The following AGBL4 variants were observed in gnomAD, a reference collection of about 807,000 sequenced individuals.
The protein encoded by AGBL4 is AGBL carboxypeptidase 4.
A neutral mutation model predicts 66.4 loss-of-function variants in AGBL4; 58 were observed. The observed-to-expected ratio is 0.87, with a 90% confidence interval of 0.71 to 1.09. The LOEUF (loss-of-function observed/expected upper bound fraction) is 1.09. AGBL4 is among the 50% of genes least tolerant of loss of function. The pLI is 0.00. For missense variants in AGBL4, 579 were observed against 631.0 expected (o/e 0.92, Z 0.88); for synonymous variants, 234 against 222.9 (o/e 1.05, Z -0.44).
intron 3 of AGBL4, among the ~76,000 whole-genome samples, chr1:49,632,128 T>G (rs1306192449): frequency 6.6e-6 from 1 of 152,084 alleles, no homozygotes; most frequent in Non-Finnish European, 1.5e-5. Flanking sequence ...GTAGAGAAAA[T>G]GAACCTAAAT....
intron 3 of AGBL4, among the ~76,000 whole-genome samples, chr1:49,410,231 C>T (rs548810128): frequency 6.6e-6 from 1 of 152,156 alleles, no homozygotes; most frequent in Non-Finnish European, 1.5e-5. Flanking sequence ...TGTGCTCAGT[C>T]GGCTGCATTC....
At chr1:49,777,856 A>G (rs779102931) in intron 2 of AGBL4, among the ~76,000 whole-genome samples, 2 of 152,204 alleles carry the variant, frequency 1.3e-5, no homozygotes, top group Non-Finnish European at 2.9e-5. Flanking sequence ...CTTTTAAAGT[A>G]TCTATAATTT....
chr1:49,144,260 T>C (rs1249603769), intron 4 of AGBL4, among the ~76,000 whole-genome samples: 12 of 152,002 alleles, frequency 7.9e-5, no homozygotes, highest in African/African-American at 2.7e-4. Flanking sequence ...ATGTTAGAAC[T>C]CTGCAAAAGA....
chr1:49,130,797 GC>G lies in AGBL4; in HGVS notation c.378-84998del, dbSNP rs535803077. On this transcript the variant is annotated intron_variant, in intron 4 of 13. Transcript: ENST00000371839. Reference sequence around the variant, plus strand: ...GCTTAGGATTGACTTGGCGATGTGGGCTCTTTTTTGGTTCCATATGAACTTT... The same window carrying G: ...GCTTAGGATTGACTTGGCGATGTGGGTCTTTTTTGGTTCCATATGAACTTT... Among the ~76,000 whole-genome samples the G allele has an allele frequency of 2.5e-3, 382 of 152,072 alleles. 1 individual carries two copies. Among genetic ancestry groups the G allele is most frequent in the African/African-American group, 8.2e-3 (342 of 41,500 alleles).
intron 5 of AGBL4, among the ~76,000 whole-genome samples, chr1:48,952,093 G>A (rs978183135): frequency 1.4e-4 from 21 of 152,194 alleles, no homozygotes; most frequent in African/African-American, 4.6e-4. Context: ...CATTACTAAA[G>A]ATAAATGTGT....
At chr1:49,866,347 G>A (rs998137858) in intron 1 of AGBL4, among the ~76,000 whole-genome samples, 13 of 152,062 alleles carry the variant, frequency 8.5e-5, no homozygotes, top group Non-Finnish European at 2.9e-5. Flanking sequence ...AAATGTTAAG[G>A]GCAGCAGGAC....
intron 3 of AGBL4, among the ~76,000 whole-genome samples, chr1:49,621,329 C>T (rs1052817022): frequency 6.6e-5 from 10 of 152,128 alleles, no homozygotes; most frequent in South Asian, 4.1e-4. Flanking sequence ...TTGGCTGGAA[C>T]GGGAACTCAC....
intron 3 of AGBL4, among the ~76,000 whole-genome samples, chr1:49,602,672 T>G (rs1644982756): frequency 6.6e-6 from 1 of 151,356 alleles, no homozygotes; most frequent in East Asian, 2.0e-4. Flanking sequence ...GAGGGGAACA[T>G]CACACACTGG....
At chr1:48,738,456 T>G (rs1649411729) in intron 6 of AGBL4, among the ~76,000 whole-genome samples, 1 of 152,170 alleles carries the variant, frequency 6.6e-6, no homozygotes, top group Admixed American at 6.5e-5. Flanking sequence ...AGTGTGGCCT[T>G]TTCTCCGCAG....
chr1:49,357,571 T>C (rs1469139711), intron 3 of AGBL4, among the ~76,000 whole-genome samples: 1 of 152,124 alleles, frequency 6.6e-6, no homozygotes, highest in Non-Finnish European at 1.5e-5. Flanking sequence ...GTTCCTATAT[T>C]CCAGGCTCTG....
chr1:48,853,495 A>G (rs10788897), intron 6 of AGBL4, among the ~76,000 whole-genome samples: 135,394 of 152,200 alleles, frequency 0.89, 60,816 homozygotes, highest in Non-Finnish European at 0.96. Flanking sequence ...ACTTTACTAC[A>G]TTAGCCACTT....
At chr1:49,976,225 T>C (rs1158042940) in intron 1 of AGBL4, among the ~76,000 whole-genome samples, 1 of 152,234 alleles carries the variant, frequency 6.6e-6, no homozygotes, top group Non-Finnish European at 1.5e-5. Context: ...GTTCATTCAT[T>C]CTTTCCTCAG....
intron 6 of AGBL4, chr1:48,777,032 AG>A (rs1185973366): frequency 7.4e-5 from 2 of 27,086 alleles, no homozygotes; most frequent in Non-Finnish European, 1.4e-4. Context: ...GGCGCGGAAA[AG>A]GGAGGGAGGG....
intron 6 of AGBL4, among the ~76,000 whole-genome samples, chr1:48,689,232 A>G (rs1036736622): frequency 6.6e-6 from 1 of 151,654 alleles, no homozygotes; most frequent in Non-Finnish European, 1.5e-5. Context: ...AAGAAAAGAA[A>G]AGAAAAGAAA....
intron 6 of AGBL4, among the ~76,000 whole-genome samples, chr1:48,834,125 A>G (rs1646622742): frequency 6.6e-6 from 1 of 152,188 alleles, no homozygotes; most frequent in Admixed American, 6.5e-5. Context: ...TTGGAATAGG[A>G]ATGTCAATTC....
At chr1:49,885,506 TA>T (rs201967390) in intron 1 of AGBL4, among the ~76,000 whole-genome samples, 34 of 149,806 alleles carry the variant, frequency 2.3e-4, no homozygotes, top group East Asian at 3.9e-4. Context: ...CCCTAAACAT[TA>T]AAAAAAAAAT....
intron 4 of AGBL4, among the ~76,000 whole-genome samples, chr1:49,062,715 G>A (rs987482197): frequency 2.0e-5 from 3 of 152,116 alleles, no homozygotes; most frequent in African/African-American, 7.2e-5. Context: ...TGGCACCCAA[G>A]GTATCACCAC....
intron 2 of AGBL4, among the ~76,000 whole-genome samples, chr1:49,742,255 T>C (rs1437876717): frequency 1.3e-5 from 2 of 149,716 alleles, no homozygotes; most frequent in Non-Finnish European, 3.0e-5. Context: ...TATACACCAA[T>C]AACAGACAAA....
chr1:50,016,560 T>C (rs1662000211), intron 1 of AGBL4, among the ~76,000 whole-genome samples: 1 of 152,006 alleles, frequency 6.6e-6, no homozygotes, highest in African/African-American at 2.4e-5. Flanking sequence ...TGACTTTGTC[T>C]CAAAAAATAA....
Sources: allele counts gnomAD v4.1 joint callset (sites outside exome capture counted in the v4.1 genomes callset), GRCh38; gene constraint gnomAD v4.1.1; transcripts MANE v1.5; gene names NCBI Gene and HGNC (gene_info 2026-07-23, HGNC 2026-07-21).